The following GDI2 variants were observed in gnomAD, a reference collection of about 807,000 sequenced individuals.
GDI2 encodes the protein rab GDP dissociation inhibitor beta.
Under a neutral mutation model 54.2 loss-of-function variants are expected in GDI2, and 22 were observed. The ratio of observed to expected loss-of-function variants is 0.41; its 90% CI spans 0.29 to 0.58. The LOEUF (loss-of-function observed/expected upper bound fraction) is 0.58, where lower values mean the gene tolerates loss of function less well. Among genes scored for constraint, GDI2 ranks in the 20% least tolerant of loss-of-function variants. The probability of loss-of-function intolerance (pLI) is 0.35; values close to 1 mark genes in which losing one functional copy is unlikely to be tolerated. For synonymous variants in GDI2, 177 were observed against 182.1 expected (o/e 0.97, Z 0.23); for missense variants, 422 against 546.0 (o/e 0.77, Z 2.26).
At chr10:5,786,081 ACT>A in intron 4 of GDI2, 31 bp from the exon 5 acceptor site, 1 of 1,438,996 alleles carries the variant, frequency 6.9e-7, no homozygotes, top group South Asian at 1.2e-5. Flanking sequence ...CAAAAAGCAC[ACT>A]CACAATCAGA....
intron 2 of GDI2, 23 bp from the exon 3 acceptor site, chr10:5,796,885 C>A (rs1265451178): frequency 1.8e-6 from 2 of 1,142,120 alleles, no homozygotes; most frequent in South Asian, 1.3e-5. Context: ...AAAAACATAG[C>A]CATAATGTTA....
At chr10:5,810,165 G>C (rs1011570493) in intron 1 of GDI2, among the ~76,000 whole-genome samples, 1 of 152,192 alleles carries the variant, frequency 6.6e-6, no homozygotes, top group Non-Finnish European at 1.5e-5. Context: ...CTGATAAAGA[G>C]AAATGAGGAA....
intron 3 of GDI2, among the ~76,000 whole-genome samples, chr10:5,796,246 AG>A (rs1419231613): frequency 6.6e-6 from 1 of 151,870 alleles, no homozygotes; most frequent in East Asian, 1.9e-4. Context: ...GCTACTTGGG[AG>A]GCTGAGGCAG....
rs1840345129 is a variant in GDI2, at chr10:5,766,752, A to G, written c.992-114T>C. The G allele has an allele frequency of 1.4e-6, 1 of 732,070 alleles. No homozygotes were observed. The highest frequency in any genetic ancestry group is 2.3e-5 in the Admixed American group (1 of 42,998). 45.3% of individuals were successfully genotyped at this position (732,070 alleles called of 1,614,324 possible). On this transcript the variant is annotated intron_variant, in intron 8 of 10. Transcript: ENST00000380191. This position sits in a 1 kb window ranked among gnomAD's most constrained non-coding sequence, Gnocchi z 5.8. The stretch of plus-strand genomic sequence containing the variant: ...GAGTTAAAATTACTCTCAATAGGCA[A>G]GATCTTCTACACTTAAGTTCTAAAT...
At chr10:5,790,409 C>T (rs761014957) in intron 4 of GDI2, among the ~76,000 whole-genome samples, 1 of 151,034 alleles carries the variant, frequency 6.6e-6, no homozygotes, top group East Asian at 1.9e-4. Flanking sequence ...GTTGGGAGAA[C>T]GAGGCAGGTG....
At chr10:5,811,699 G>A (rs1025774040) in intron 1 of GDI2, among the ~76,000 whole-genome samples, 1 of 150,894 alleles carries the variant, frequency 6.6e-6, no homozygotes, top group Non-Finnish European at 1.5e-5. Context: ...AGTGGGTAGG[G>A]CCTATTCATT....
At chr10:5,809,461 C>T (rs1187220596) in intron 1 of GDI2, among the ~76,000 whole-genome samples, 1 of 152,180 alleles carries the variant, frequency 6.6e-6, no homozygotes, top group African/African-American at 2.4e-5. Context: ...ACACTGACTG[C>T]TCTCTGCCTA....
intron 4 of GDI2, among the ~76,000 whole-genome samples, chr10:5,789,780 C>T (rs913000595): frequency 1.3e-5 from 2 of 152,186 alleles, no homozygotes; most frequent in East Asian, 1.9e-4. Context: ...AGACCATACA[C>T]GGTGCCACTG....
At chr10:5,805,839 G>A (rs150521281) in intron 1 of GDI2, among the ~76,000 whole-genome samples, 2 of 152,258 alleles carry the variant, frequency 1.3e-5, no homozygotes, top group African/African-American at 2.4e-5. Context: ...CTAAACTTCC[G>A]CATTTCTGGT....
intron 7 of GDI2, among the ~76,000 whole-genome samples, chr10:5,769,628 T>C (rs776896914): frequency 1.3e-5 from 2 of 151,198 alleles, no homozygotes; most frequent in African/African-American, 2.4e-5. Flanking sequence ...AAAGAAGATA[T>C]GTAAGTGGCC....
At chr10:5,795,722 G>A (rs1441431160) in intron 3 of GDI2, among the ~76,000 whole-genome samples, 1 of 151,952 alleles carries the variant, frequency 6.6e-6, no homozygotes, top group African/African-American at 2.4e-5. Context: ...TTGAGCCCAA[G>A]AGTCCAAGAC....
intron 1 of GDI2, among the ~76,000 whole-genome samples, chr10:5,811,302 A>G (rs1010513747): frequency 6.6e-6 from 1 of 152,208 alleles, no homozygotes; most frequent in African/African-American, 2.4e-5. Context: ...GACAGCAGAA[A>G]CAGGTCTGAT....
intron 1 of GDI2, among the ~76,000 whole-genome samples, chr10:5,807,933 G>GA (rs1195777452): frequency 3.6e-4 from 55 of 152,266 alleles, no homozygotes; most frequent in African/African-American, 1.3e-3. Flanking sequence ...ATGGTATGCT[G>GA]AAAAATTAAT....
intron 7 of GDI2, among the ~76,000 whole-genome samples, chr10:5,772,180 T>C (rs947946808): frequency 2.0e-4 from 31 of 152,154 alleles, no homozygotes; most frequent in African/African-American, 7.5e-4. Flanking sequence ...TGGAACACGA[T>C]GTGGAGATGG....
At chr10:5,810,056 C>G (rs1288044486) in intron 1 of GDI2, among the ~76,000 whole-genome samples, 2 of 152,154 alleles carry the variant, frequency 1.3e-5, no homozygotes, top group African/African-American at 4.8e-5. Flanking sequence ...TCTCAAAGAG[C>G]AAATCAAAGA....
In GDI2 at chr10:5,795,036, A is replaced by T. The variant is rs1239096680; in HGVS notation, c.254-17T>A. Reference sequence around the variant, plus strand: ...CCAGCTGACCTAGAAAAGTCACATAATTCAAACTATAACTTAAGTCTATAA... The same window carrying T: ...CCAGCTGACCTAGAAAAGTCACATATTTCAAACTATAACTTAAGTCTATAA... On this transcript the variant is annotated splice_polypyrimidine_tract_variant and intron_variant, in intron 3 of 10. Coordinates refer to ENST00000380191, the MANE Select transcript of GDI2 (RefSeq NM_001494.4). 1.3e-6 allele frequency: 2 copies of T among 1,504,526 alleles called. No individual in the cohort carries two copies. Among genetic ancestry groups the T allele is most frequent in the South Asian group, 1.1e-5 (1 of 87,906 alleles). 93.2% of individuals were successfully genotyped at this position (1,504,526 alleles called of 1,614,324 possible).
Position 5,813,428 on chromosome 10 carries a change from A to C in GDI2, c.-170T>G. On this transcript the variant is annotated 5_prime_UTR_variant, in exon 1 of 11. Transcript: ENST00000380191. ...CGACCGCCACCTCAGACGGGAAGAG[A>C]AGAACTGGGCGGGGAGAGGAGGGGA... 1 of 492,258 alleles carries C rather than the reference A, an allele frequency of 2.0e-6. No individual in the cohort carries two copies. Among genetic ancestry groups the C allele is most frequent in the South Asian group, 2.6e-5 (1 of 39,130 alleles). 30.5% of individuals were successfully genotyped at this position (492,258 alleles called of 1,614,324 possible).
In GDI2 at chr10:5,766,656, C is replaced by G. The variant is rs768148567; in HGVS notation, c.992-18G>C. 5.6e-6 allele frequency: 9 copies of G among 1,608,846 alleles called. No homozygotes were observed. The African/African-American group carries it at 1.2e-4, about 22-fold the overall frequency. On this transcript the variant is annotated intron_variant, in intron 8 of 10. Coordinates refer to ENST00000380191, the MANE Select transcript of GDI2 (RefSeq NM_001494.4). This position sits in a 1 kb window ranked among gnomAD's most constrained non-coding sequence, Gnocchi z 5.8. ...GTAGATATCTAGAAACAAATGATAC[C>G]AGCTCACTGCCTCAAGTGTCTCCAT...
Position 5,768,730 on chromosome 10 carries a change from A to G in GDI2, c.820-346T>C, listed in dbSNP as rs959800380. 8 of 178,270 alleles carry G rather than the reference A, an allele frequency of 4.5e-5. No homozygotes were observed. The highest frequency in any genetic ancestry group is 3.0e-4 in the East Asian group (2 of 6,700). 11.0% of individuals were successfully genotyped at this position (178,270 alleles called of 1,614,324 possible). A position where few individuals can be genotyped will look rare whatever the true frequency, so the allele number is the denominator to read the frequency against. ...GTTGCAAAGACCATTCAATGAGGGGAAAAAAAGTCATTTCAACAAACCGTC... is the reference window on the plus strand; with the variant it reads ...GTTGCAAAGACCATTCAATGAGGGGGAAAAAAGTCATTTCAACAAACCGTC... On this transcript the variant is annotated intron_variant, in intron 7 of 10. Coordinates refer to ENST00000380191, the MANE Select transcript of GDI2 (RefSeq NM_001494.4). The surrounding 1 kb of genome is among the most constrained non-coding windows in gnomAD (Gnocchi z 4.4).
Sources: allele counts gnomAD v4.1 joint callset (sites outside exome capture counted in the v4.1 genomes callset), GRCh38; gene constraint gnomAD v4.1.1; non-coding constraint Gnocchi (gnomAD v3.1); transcripts MANE v1.5; gene names NCBI Gene and HGNC (gene_info 2026-07-23, HGNC 2026-07-21).